IGSF10: variants seen among roughly 807,000 people sequenced by gnomAD.
IGSF10 encodes immunoglobulin superfamily member 10.
Under a neutral mutation model 128.2 loss-of-function variants are expected in IGSF10, and 126 were observed. That is an observed-to-expected ratio of 0.98 (90% CI 0.85 to 1.14). IGSF10 has a LOEUF of 1.14. IGSF10 is among the 50% of genes most tolerant of loss of function. The pLI is 0.00. For synonymous variants in IGSF10, 1,185 were observed against 1,146.2 expected, an observed-to-expected ratio of 1.03 and a Z score of -0.68; for missense variants, 3,295 against 3,149.8, an observed-to-expected ratio of 1.05 and a Z score of -1.10.
chr3:151,535,431 G>C, the IGSF10 span, among the ~76,000 whole-genome samples: 1 of 152,070 alleles, frequency 6.6e-6, no homozygotes, highest in Admixed American at 6.6e-5. Flanking sequence ...CATGAAGATG[G>C]CAAAAATAGA....
chr3:151,507,529 T>A, the IGSF10 span, among the ~76,000 whole-genome samples: 1 of 152,166 alleles, frequency 6.6e-6, no homozygotes, highest in African/African-American at 2.4e-5. Flanking sequence ...GGAGATTTAA[T>A]TGACTTAGAG....
the IGSF10 span, among the ~76,000 whole-genome samples, chr3:151,542,458 C>T: frequency 4.6e-5 from 7 of 152,100 alleles, no homozygotes; most frequent in Admixed American, 4.6e-4. Context: ...TATTCTAGTC[C>T]TCTTCCTCAC....
the IGSF10 span, among the ~76,000 whole-genome samples, chr3:151,569,928 C>A: frequency 6.6e-6 from 1 of 151,636 alleles, no homozygotes; most frequent in East Asian, 1.9e-4. Context: ...GTTCCCCTCC[C>A]TGTGTCCAAG....
At chr3:151,469,937 T>G in the IGSF10 span, among the ~76,000 whole-genome samples, 1 of 152,182 alleles carries the variant, frequency 6.6e-6, no homozygotes, top group Non-Finnish European at 1.5e-5. Flanking sequence ...AATTCTAATA[T>G]TTTATTATCT....
At chr3:151,472,303 G>A in the IGSF10 span, among the ~76,000 whole-genome samples, 1 of 152,246 alleles carries the variant, frequency 6.6e-6, no homozygotes, top group East Asian at 1.9e-4. Flanking sequence ...CATGTTTTCT[G>A]GTTGGATAGA....
At chr3:151,506,499 C>T in the IGSF10 span, among the ~76,000 whole-genome samples, 20 of 152,042 alleles carry the variant, frequency 1.3e-4, no homozygotes, top group Non-Finnish European at 2.5e-4. Flanking sequence ...TTAAAGATTT[C>T]TGCCTATGTA....
At chr3:151,569,261 G>A in the IGSF10 span, among the ~76,000 whole-genome samples, 91,270 of 151,968 alleles carry the variant, frequency 0.6, 27,832 homozygotes, top group South Asian at 0.65. Context: ...TAGTAGAGAC[G>A]GGGTGTCGCC....
the IGSF10 span, among the ~76,000 whole-genome samples, chr3:151,550,747 C>T: frequency 6.6e-6 from 1 of 152,090 alleles, no homozygotes; most frequent in Non-Finnish European, 1.5e-5. Flanking sequence ...CCATCTCTGG[C>T]TTCATGTGGC....
Position 151,444,915 on chromosome 3 carries a change from A to G in IGSF10, c.5062+4T>C, listed in dbSNP as rs776768355. ...ACTAAGTGTAAAGAAAAAGTTTCACATACCTGATGGGACTCTGGTCCAATG... is the reference window on the plus strand; with the variant it reads ...ACTAAGTGTAAAGAAAAAGTTTCACGTACCTGATGGGACTCTGGTCCAATG... On this transcript the variant is annotated splice_donor_region_variant and intron_variant, in intron 6 of 7. Transcript: ENST00000282466. 3 of 1,565,444 alleles carry G rather than the reference A, an allele frequency of 1.9e-6. No homozygotes were observed. The highest frequency in any genetic ancestry group is 1.7e-6 in the Non-Finnish European group (2 of 1,160,310).
At chr3:151,534,555 C>CA in the IGSF10 span, among the ~76,000 whole-genome samples, 18 of 147,112 alleles carry the variant, frequency 1.2e-4, no homozygotes, top group Non-Finnish European at 1.8e-4. Context: ...AACACAAGAA[C>CA]AAAAAACCAA....
rs769644788 is a variant in IGSF10 at position 151,443,705 on chromosome 3, G to A, written c.5242C>T (p.Leu1748=). 20 of 1,614,182 alleles carry A rather than the reference G, an allele frequency of 1.2e-5. No homozygotes were observed. The highest frequency in any genetic ancestry group is 1.6e-5 in the Non-Finnish European group (19 of 1,180,034). Reference sequence around the variant, plus strand: ...GTGATCTCTTTGGTACGTCTCTCCAGGATCCTGGGAGGATAGGAAACCACA... The same window carrying A: ...GTGATCTCTTTGGTACGTCTCTCCAAGATCCTGGGAGGATAGGAAACCACA... ...LSVVSYPPRI[L]ERRTKEITVH... Residue 1748 remains leucine, a synonymous_variant, in exon 7 of 8, where the codon CTG becomes TTG. Coordinates refer to ENST00000282466, the MANE Select transcript of IGSF10 (RefSeq NM_178822.5).
the IGSF10 span, among the ~76,000 whole-genome samples, chr3:151,508,892 G>A: frequency 6.6e-6 from 1 of 152,228 alleles, no homozygotes; most frequent in East Asian, 1.9e-4. Context: ...ATTCTAATAT[G>A]TCTGAGTTTA....
upstream of IGSF10, among the ~76,000 whole-genome samples, chr3:151,462,168 A>G (rs758386203): frequency 6.6e-6 from 1 of 152,204 alleles, no homozygotes; most frequent in Non-Finnish European, 1.5e-5. Flanking sequence ...TAACATAACT[A>G]AAATGACCTT....
the IGSF10 span, among the ~76,000 whole-genome samples, chr3:151,587,089 G>A: frequency 1.2e-4 from 19 of 152,120 alleles, no homozygotes; most frequent in African/African-American, 4.1e-4. Context: ...TGTTCTGACA[G>A]TGTGTTGGAA....
chr3:151,452,997 CTGCCTGTG>C (rs1370374973), intron 5 of IGSF10, among the ~76,000 whole-genome samples: 44 of 152,002 alleles, frequency 2.9e-4, no homozygotes, highest in Admixed American at 2.9e-3. Flanking sequence ...AGAGCAAAAA[CTGCCTGTG>C]TGCCTGGGAT....
At chr3:151,494,813 A>T in the IGSF10 span, among the ~76,000 whole-genome samples, 1 of 152,152 alleles carries the variant, frequency 6.6e-6, no homozygotes, top group African/African-American at 2.4e-5. Flanking sequence ...TTGCTGGCAA[A>T]ACAAGATAAT....
chr3:151,439,648 C>T (rs1265200440), intron 7 of IGSF10, among the ~76,000 whole-genome samples: 1 of 152,184 alleles, frequency 6.6e-6, no homozygotes, highest in Admixed American at 6.5e-5. Context: ...AGAATACCAA[C>T]GCAAGGTTCC....
At chr3:151,494,086 T>C in the IGSF10 span, among the ~76,000 whole-genome samples, 8 of 152,178 alleles carry the variant, frequency 5.3e-5, no homozygotes, top group Admixed American at 1.3e-4. Context: ...ATAAGAAACA[T>C]TGAGAAATTT....
chr3:151,463,524 T>TGTTTTTTTTTTG (rs1560185412), upstream of IGSF10, among the ~76,000 whole-genome samples: 1 of 41,600 alleles, frequency 2.4e-5, no homozygotes, highest in African/African-American at 1.2e-4. Flanking sequence ...CATTTTCTGG[T>TGTTTTTTTTTTG]TTTTTTTTTT....
Sources: gnomAD v4.1 joint callset for allele counts (sites outside exome capture counted in the v4.1 genomes callset) on GRCh38, gnomAD v4.1.1 for gene constraint, MANE v1.5 for transcripts, NCBI Gene and HGNC (gene_info 2026-07-23, HGNC 2026-07-21) for gene names.